Variants in SGSM1 observed in about 807,000 individuals in gnomAD.
SGSM1 encodes RUN and TBC1 domain containing 2.
A neutral mutation model predicts 133.8 loss-of-function variants in SGSM1; 73 were observed. The observed-to-expected ratio is 0.55, with a 90% confidence interval of 0.45 to 0.66. The LOEUF (loss-of-function observed/expected upper bound fraction) is 0.66, where lower values mean the gene tolerates loss of function less well. Ranked by LOEUF, SGSM1 falls within the 30% of genes least tolerant of loss-of-function variation. The pLI is 0.00. For missense variants in SGSM1, 1,213 were observed against 1,448.1 expected, an observed-to-expected ratio of 0.84 and a Z score of 2.64; for synonymous variants, 563 against 573.0, an observed-to-expected ratio of 0.98 and a Z score of 0.25.
At chr22:24,840,353 A>G (rs758835717) in intron 2 of SGSM1, among the ~76,000 whole-genome samples, 15 of 151,324 alleles carry the variant, frequency 9.9e-5, no homozygotes, top group Non-Finnish European at 2.1e-4. Context: ...ATTTTTATGT[A>G]TTTATTTTGA....
Position 24,886,863 on chromosome 22 carries a change from C to T in SGSM1, c.1770+135C>T, listed in dbSNP as rs1373834718. ...GGGGAAGATGGGAACCTGAAGGCGG[C>T]GCTGTCCAATAGAAACATAACACAA... On this transcript the variant is annotated intron_variant, in intron 16 of 24. Coordinates refer to ENST00000400358, the MANE Select transcript of SGSM1 (RefSeq NM_001098497.3). The T allele has an allele frequency of 2.4e-5, 28 of 1,188,314 alleles. No homozygotes were observed. In the East Asian group the frequency reaches 2.9e-4, roughly 12 times the overall value. 73.6% of individuals were successfully genotyped at this position (1,188,314 alleles called of 1,614,324 possible). A position where few individuals can be genotyped will look rare whatever the true frequency, so the allele number is the denominator to read the frequency against.
intron 2 of SGSM1, among the ~76,000 whole-genome samples, chr22:24,826,826 T>C (rs1023671885): frequency 2.6e-5 from 4 of 152,122 alleles, no homozygotes; most frequent in Non-Finnish European, 1.5e-5. Context: ...TGCCCGGCCC[T>C]GTTCAAGTGC....
intron 6 of SGSM1, 98 bp downstream of exon 6, chr22:24,855,161 A>G: frequency 6.4e-7 from 1 of 1,551,800 alleles, no homozygotes; most frequent in Non-Finnish European, 8.7e-7. Context: ...AGCCTTGCCC[A>G]TGGAAATGCA....
intron 2 of SGSM1, among the ~76,000 whole-genome samples, chr22:24,821,976 G>A (rs6004300): frequency 0.081 from 12,311 of 151,964 alleles, 1,568 homozygotes; most frequent in African/African-American, 0.27. Context: ...GGTGCTGTGC[G>A]TTGTGTAGGC....
chr22:24,896,045 TCTCA>T (rs1389195883), intron 18 of SGSM1, among the ~76,000 whole-genome samples: 1 of 152,096 alleles, frequency 6.6e-6, no homozygotes, highest in Non-Finnish European at 1.5e-5. Context: ...TGAAACCCTG[TCTCA>T]CACACACGCA....
intron 3 of SGSM1, among the ~76,000 whole-genome samples, chr22:24,845,521 G>A (rs1457189488): frequency 1.3e-5 from 2 of 152,226 alleles, no homozygotes; most frequent in African/African-American, 2.4e-5. Flanking sequence ...TGGGGTCTGA[G>A]TGTCTCTGAG....
chr22:24,923,191 AACTC>A (rs1372782242), intron 24 of SGSM1, among the ~76,000 whole-genome samples: 2 of 152,114 alleles, frequency 1.3e-5, no homozygotes, highest in Non-Finnish European at 2.9e-5. Flanking sequence ...GAAATTTGTG[AACTC>A]ACTCCAGCTA....
chr22:24,903,762 A>C (rs981831796), intron 20 of SGSM1, among the ~76,000 whole-genome samples: 2 of 152,072 alleles, frequency 1.3e-5, no homozygotes, highest in African/African-American at 4.8e-5. Flanking sequence ...ACCTGAGGTC[A>C]GGAGTTCGAG....
At chr22:24,830,132 C>T (rs1489986300) in intron 2 of SGSM1, among the ~76,000 whole-genome samples, 1 of 152,194 alleles carries the variant, frequency 6.6e-6, no homozygotes, top group African/African-American at 2.4e-5. Flanking sequence ...AACCTGTTAC[C>T]CTCCTTGCTA....
At chr22:24,922,226 A>G (rs1344129292) in intron 24 of SGSM1, among the ~76,000 whole-genome samples, 1 of 126,488 alleles carries the variant, frequency 7.9e-6, no homozygotes, top group Non-Finnish European at 1.6e-5. Flanking sequence ...TCTGTCACCC[A>G]GGTTGGAGTG....
intron 21 of SGSM1, among the ~76,000 whole-genome samples, chr22:24,907,936 G>C (rs1030312818): frequency 1.5e-5 from 1 of 68,626 alleles, no homozygotes; most frequent in Admixed American, 1.4e-4. Context: ...AAAAAAAAAA[G>C]ATGTTGCAGG....
intron 2 of SGSM1, among the ~76,000 whole-genome samples, chr22:24,840,176 C>A (rs1005899321): frequency 4.6e-5 from 7 of 152,062 alleles, no homozygotes; most frequent in Non-Finnish European, 8.8e-5. Context: ...GATCTCCTGA[C>A]CTCGTGATCT....
chr22:24,842,577 G>A (rs1207878135), intron 2 of SGSM1, among the ~76,000 whole-genome samples: 1 of 151,998 alleles, frequency 6.6e-6, no homozygotes, highest in Non-Finnish European at 1.5e-5. Context: ...CATAAAGCAA[G>A]GAAACACAGA....
chr22:24,925,997 G>A lies in SGSM1; in HGVS notation c.*1723G>A, dbSNP rs576323620. On this transcript the variant is annotated 3_prime_UTR_variant, in exon 25 of 25. Transcript: ENST00000400358. The stretch of plus-strand genomic sequence containing the variant: ...GGGGAAACCCAGCAAGCAGCAGAGA[G>A]AAAGGCTCTTCCCGGGAGACCTGCC... 1 of 152,406 alleles carries A rather than the reference G, an allele frequency of 6.6e-6. No individual in the cohort carries two copies. Among genetic ancestry groups the A allele is most frequent in the Admixed American group, 6.5e-5 (1 of 15,288 alleles). 9.4% of individuals were successfully genotyped at this position (152,406 alleles called of 1,614,324 possible).
chr22:24,888,935 C>A (rs1031162222), intron 16 of SGSM1, among the ~76,000 whole-genome samples: 2 of 138,140 alleles, frequency 1.4e-5, no homozygotes, highest in Non-Finnish European at 3.0e-5. Flanking sequence ...TTTTCATAGT[C>A]ACCTTTTTTT....
chr22:24,840,937 G>A (rs534638262), intron 2 of SGSM1, among the ~76,000 whole-genome samples: 17 of 152,032 alleles, frequency 1.1e-4, no homozygotes, highest in Non-Finnish European at 1.8e-4. Flanking sequence ...TGCAAGCTCC[G>A]CCACCCGGGT....
At chr22:24,909,450 AT>A (rs1327544733) in intron 21 of SGSM1, among the ~76,000 whole-genome samples, 4 of 136,600 alleles carry the variant, frequency 2.9e-5, no homozygotes, top group African/African-American at 5.5e-5. Context: ...TTATTTATTT[AT>A]TTATTATTAT....
chr22:24,861,546 A>T (rs1017015058), intron 9 of SGSM1, among the ~76,000 whole-genome samples: 10 of 150,976 alleles, frequency 6.6e-5, no homozygotes, highest in Non-Finnish European at 1.3e-4. Flanking sequence ...ATTTTATTTT[A>T]TTTATTTATT....
intron 3 of SGSM1, 59 bp from the exon 4 acceptor site, chr22:24,847,575 A>C: frequency 1.3e-6 from 2 of 1,572,924 alleles, no homozygotes; most frequent in Non-Finnish European, 1.7e-6. Context: ...GCTCTGGGAC[A>C]TGCTGGGTGC....
Sources: gnomAD v4.1 joint callset for allele counts (sites outside exome capture counted in the v4.1 genomes callset) on GRCh38, gnomAD v4.1.1 for gene constraint, MANE v1.5 for transcripts, NCBI Gene and HGNC (gene_info 2026-07-23, HGNC 2026-07-21) for gene names.